The following MPP7 variants were observed in gnomAD, a reference collection of about 807,000 sequenced individuals.
The protein encoded by MPP7 is MAGUK p55 scaffold protein 7, also known as MAGUK p55 subfamily member 7.
Under a neutral mutation model 76.5 loss-of-function variants are expected in MPP7, and 60 were observed. The ratio of observed to expected loss-of-function variants is 0.78; its 90% confidence interval spans 0.64 to 0.97. The LOEUF (loss-of-function observed/expected upper bound fraction) is 0.97, where lower values mean the gene tolerates loss of function less well. Ranked by LOEUF, MPP7 falls within the 50% of genes least tolerant of loss-of-function variation. The pLI, the probability that MPP7 is intolerant of heterozygous loss-of-function variation, is 0.00. For synonymous variants in MPP7, 237 were observed against 244.5 expected, an observed-to-expected ratio of 0.97 and a Z score of 0.29; for missense variants, 641 against 694.0, an observed-to-expected ratio of 0.92 and a Z score of 0.86.
At chr10:28,068,548 C>T (rs1359049686) in intron 13 of MPP7, among the ~76,000 whole-genome samples, 1 of 152,010 alleles carries the variant, frequency 6.6e-6, no homozygotes, top group Non-Finnish European at 1.5e-5. Flanking sequence ...TCAAGCATCA[C>T]ATTTTATTTG....
chr10:28,300,869 G>A lies in MPP7; in HGVS notation c.-132+1992C>T, dbSNP rs138256002. Among the ~76,000 whole-genome samples, 1,401 of 150,436 alleles carry A rather than the reference G, an allele frequency of 9.3e-3. 10 individuals are homozygous for A. Among genetic ancestry groups the A allele is most frequent in the Non-Finnish European group, 0.015 (1,004 of 67,856 alleles). Reference sequence around the variant, plus strand: ...AGCTACTCAAGAGGCTGAGGCAGGAGAATCACTTGAACCAGGGAGGCAGAG... The same window carrying A: ...AGCTACTCAAGAGGCTGAGGCAGGAAAATCACTTGAACCAGGGAGGCAGAG... On this transcript the variant is annotated intron_variant, in intron 1 of 16. Transcript: ENST00000683449.
chr10:28,092,327 G>A (rs1853345244), intron 11 of MPP7, among the ~76,000 whole-genome samples: 2 of 152,144 alleles, frequency 1.3e-5, no homozygotes, highest in Non-Finnish European at 2.9e-5. Context: ...AGGTAAAGAG[G>A]AGAAGAGAAT....
At chr10:28,119,830 G>T in intron 10 of MPP7, 115 bp from the exon 11 acceptor site, 2 of 754,406 alleles carry the variant, frequency 2.7e-6, no homozygotes, top group African/African-American at 1.8e-5. Context: ...AAAAATGAAT[G>T]TAATGCAATA....
chr10:28,306,317 AG>A (rs1355876122), upstream of MPP7, among the ~76,000 whole-genome samples: 1 of 152,206 alleles, frequency 6.6e-6, no homozygotes, highest in Admixed American at 6.5e-5. Context: ...GCCACTGAAA[AG>A]CTATCTCTTC....
At chr10:28,251,231 G>A (rs555857000) in intron 1 of MPP7, among the ~76,000 whole-genome samples, 9 of 152,280 alleles carry the variant, frequency 5.9e-5, no homozygotes, top group South Asian at 4.2e-4. Context: ...TCGGGAGGCC[G>A]AGGTGGGCAG....
intron 1 of MPP7, among the ~76,000 whole-genome samples, chr10:28,285,064 G>A (rs928880328): frequency 2.0e-5 from 3 of 152,162 alleles, no homozygotes; most frequent in Non-Finnish European, 4.4e-5. Flanking sequence ...AAATGCTGTA[G>A]AGACCAATTT....
At chr10:28,173,524 C>T (rs1836757536) in intron 3 of MPP7, among the ~76,000 whole-genome samples, 1 of 152,216 alleles carries the variant, frequency 6.6e-6, no homozygotes, top group South Asian at 2.1e-4. Flanking sequence ...TCTGCTTTGC[C>T]TTCCACTGTA....
At chr10:28,197,030 C>G (rs1837607850) in intron 3 of MPP7, among the ~76,000 whole-genome samples, 1 of 152,108 alleles carries the variant, frequency 6.6e-6, no homozygotes, top group African/African-American at 2.4e-5. Context: ...CCACAGCCTT[C>G]CTGGTGTCAC....
rs368032262 is a variant in MPP7 at position 28,323,966 on chromosome 10, AT to A, written c.-132+5962del. ...ATACACAATGAATAAAACAGAAAAAATATCTGCCTTCATAACCATATATCCT... is the reference window on the plus strand; with the variant it reads ...ATACACAATGAATAAAACAGAAAAAAATCTGCCTTCATAACCATATATCCT... On this transcript the variant is annotated intron_variant, in intron 2 of 11. Transcript: ENST00000441595. 2.0e-3 allele frequency among the ~76,000 whole-genome samples: 307 copies of A among 152,326 alleles called. 3 individuals carry two copies. Among genetic ancestry groups the A allele is most frequent in the African/African-American group, 6.7e-3 (280 of 41,570 alleles).
At chr10:28,074,948 T>C (rs552880003) in intron 12 of MPP7, among the ~76,000 whole-genome samples, 3 of 152,266 alleles carry the variant, frequency 2.0e-5, no homozygotes, top group African/African-American at 7.2e-5. Flanking sequence ...GGGTTATTTA[T>C]AAGGAAAAGA....
intron 1 of MPP7, among the ~76,000 whole-genome samples, chr10:28,285,713 CG>C (rs1840775473): frequency 6.6e-6 from 1 of 151,908 alleles, no homozygotes; most frequent in Non-Finnish European, 1.5e-5. Context: ...CCACCACCTA[CG>C]AAGTAGTTTT....
chr10:28,069,868 A>G lies in MPP7; in HGVS notation c.1124-16T>C. The G allele has an allele frequency of 6.2e-7, 1 of 1,603,106 alleles. No individual in the cohort carries two copies. The highest frequency in any genetic ancestry group is 8.5e-7 in the Non-Finnish European group (1 of 1,170,686). On this transcript the variant is annotated splice_polypyrimidine_tract_variant and intron_variant, in intron 12 of 16. Coordinates refer to ENST00000683449, the MANE Select transcript of MPP7 (RefSeq NM_001318170.2). Reference sequence around the variant, plus strand: ...CCCACGGGACCTGAAAAACAGGGTAACAGAAATTCATTATTGGACAAAACA... The same window carrying G: ...CCCACGGGACCTGAAAAACAGGGTAGCAGAAATTCATTATTGGACAAAACA...
At chr10:28,167,685 T>C (rs1251569724) in intron 3 of MPP7, among the ~76,000 whole-genome samples, 2 of 152,130 alleles carry the variant, frequency 1.3e-5, no homozygotes, top group Non-Finnish European at 1.5e-5. Flanking sequence ...GGTATATATA[T>C]ATGGAAATGG....
Position 28,089,907 on chromosome 10 carries a change from A to C in MPP7, c.953-66T>G, listed in dbSNP as rs1853214837. ...CAAAAAAGAAACCCTCAAAAAAAAA[A>C]AACCCTCAGAGTTGGGTTGGATTTT... On this transcript the variant is annotated intron_variant, in intron 11 of 16. Coordinates refer to ENST00000683449, the MANE Select transcript of MPP7 (RefSeq NM_001318170.2). The C allele has an allele frequency of 1.6e-5, 14 of 881,020 alleles. 1 individual carries two copies. Among genetic ancestry groups the C allele is most frequent in the Middle Eastern group, 3.6e-4 (1 of 2,790 alleles). 54.6% of individuals were successfully genotyped at this position (881,020 alleles called of 1,614,324 possible).
intron 1 of MPP7, among the ~76,000 whole-genome samples, chr10:28,285,098 T>C (rs546284865): frequency 6.6e-6 from 1 of 152,354 alleles, no homozygotes; most frequent in South Asian, 2.1e-4. Flanking sequence ...TGAACAGTCC[T>C]GTTCTAAGGG....
chr10:28,231,070 T>A (rs887945381), intron 2 of MPP7, among the ~76,000 whole-genome samples: 3 of 151,658 alleles, frequency 2.0e-5, no homozygotes, highest in Non-Finnish European at 4.4e-5. Flanking sequence ...TTATTGAAAT[T>A]AACCATATGT....
intron 3 of MPP7, among the ~76,000 whole-genome samples, chr10:28,163,725 A>G (rs1836343754): frequency 6.6e-6 from 1 of 152,052 alleles, no homozygotes; most frequent in Admixed American, 6.6e-5. Flanking sequence ...AGGCGGGTGG[A>G]TCACCTGAGG....
At chr10:28,094,065 G>A (rs542230439) in intron 11 of MPP7, among the ~76,000 whole-genome samples, 24 of 152,256 alleles carry the variant, frequency 1.6e-4, no homozygotes, top group African/African-American at 5.3e-4. Context: ...AAAGGCTAAC[G>A]CTCTGCAAAC....
chr10:28,069,670 A>G, intron 13 of MPP7, 102 bp downstream of exon 13: 1 of 989,900 alleles, frequency 1.0e-6, no homozygotes, highest in Non-Finnish European at 1.4e-6. Flanking sequence ...CATGTACCCA[A>G]AAAATTTTAA....
Sources: gnomAD v4.1 joint callset for allele counts (sites outside exome capture counted in the v4.1 genomes callset) on GRCh38, gnomAD v4.1.1 for gene constraint, MANE v1.5 for transcripts, NCBI Gene and HGNC (gene_info 2026-07-23, HGNC 2026-07-21) for gene names.